DLG2: variants seen among roughly 807,000 people sequenced by gnomAD.
DLG2 encodes discs large MAGUK scaffold protein 2, also known as disks large homolog 2.
In DLG2, 45 loss-of-function variants were observed where a neutral mutation model predicts 132.5. That is an observed-to-expected ratio of 0.34 (90% confidence interval 0.27 to 0.44). DLG2 has a LOEUF of 0.44. Among genes scored for constraint, DLG2 ranks in the 20% least tolerant of loss-of-function variants. The pLI, the probability that DLG2 is intolerant of heterozygous loss-of-function variation, is 1.00. For missense variants in DLG2, 1,045 were observed against 1,196.9 expected (o/e 0.87, Z 1.87); for synonymous variants, 424 against 419.6 (o/e 1.01, Z -0.13).
chr11:85,517,540 T>G (rs1330600413), intron 3 of DLG2, among the ~76,000 whole-genome samples: 1 of 152,030 alleles, frequency 6.6e-6, no homozygotes, highest in Non-Finnish European at 1.5e-5. Flanking sequence ...ACCCCAAAGC[T>G]TTGGGAAACA....
intron 6 of DLG2, among the ~76,000 whole-genome samples, chr11:84,861,903 G>C (rs984770315): frequency 1.3e-5 from 2 of 151,744 alleles, no homozygotes; most frequent in East Asian, 1.9e-4. Context: ...GGATGAAATT[G>C]GAAATCATCA....
At chr11:84,684,096 A>G (rs1385641600) in intron 6 of DLG2, among the ~76,000 whole-genome samples, 1 of 152,210 alleles carries the variant, frequency 6.6e-6, no homozygotes, top group Non-Finnish European at 1.5e-5. Flanking sequence ...TGGTTTTGTT[A>G]CATCTCAGAT....
At chr11:84,355,510 C>G (rs1216072605) in intron 7 of DLG2, among the ~76,000 whole-genome samples, 2 of 152,088 alleles carry the variant, frequency 1.3e-5, no homozygotes, top group African/African-American at 4.8e-5. Flanking sequence ...AGACCTTCAC[C>G]TGACGCCAAA....
chr11:84,644,990 G>C (rs1283374357), intron 6 of DLG2, among the ~76,000 whole-genome samples: 1 of 152,110 alleles, frequency 6.6e-6, no homozygotes, highest in Non-Finnish European at 1.5e-5. Context: ...GCACATTCTC[G>C]ATTATCTGTA....
chr11:83,580,885 TCTCCC>T (rs1446973552), intron 19 of DLG2, among the ~76,000 whole-genome samples: 1 of 102,446 alleles, frequency 9.8e-6, no homozygotes, highest in African/African-American at 3.8e-5. Flanking sequence ...TCTCCCCTCC[TCTCCC>T]CTCCCTTCCC....
At chr11:84,435,143 G>A (rs2098996824) in intron 7 of DLG2, among the ~76,000 whole-genome samples, 1 of 151,958 alleles carries the variant, frequency 6.6e-6, no homozygotes, top group Admixed American at 6.6e-5. Flanking sequence ...CACTTTACAT[G>A]CCCCACTGTT....
intron 19 of DLG2, among the ~76,000 whole-genome samples, chr11:83,587,782 G>A (rs1206375353): frequency 1.4e-4 from 21 of 152,110 alleles, no homozygotes; most frequent in Middle Eastern, 3.4e-3. Flanking sequence ...CAGTGGGTGC[G>A]CGCACCGTGC....
At chr11:84,362,919 T>G (rs1016742901) in intron 7 of DLG2, among the ~76,000 whole-genome samples, 1 of 152,174 alleles carries the variant, frequency 6.6e-6, no homozygotes, top group Non-Finnish European at 1.5e-5. Context: ...TTGTTGGACA[T>G]TTGGGTTGGT....
chr11:84,067,334 C>CAAACA (rs937907814), intron 10 of DLG2, among the ~76,000 whole-genome samples: 4 of 151,982 alleles, frequency 2.6e-5, no homozygotes, highest in Non-Finnish European at 4.4e-5. Flanking sequence ...ACACCATCTC[C>CAAACA]AAACAAAACA....
intron 21 of DLG2, among the ~76,000 whole-genome samples, chr11:83,513,968 C>G (rs1466985732): frequency 6.6e-6 from 1 of 152,102 alleles, no homozygotes; most frequent in East Asian, 1.9e-4. Flanking sequence ...AGCGTGATAC[C>G]TCCAGCTTTG....
chr11:83,836,037 C>T (rs755554815), intron 16 of DLG2, among the ~76,000 whole-genome samples: 19 of 152,120 alleles, frequency 1.2e-4, no homozygotes, highest in Admixed American at 2.6e-4. Flanking sequence ...AATTGGAGAC[C>T]GAGGAGAGCC....
At chr11:85,133,380 G>A (rs772789478) in intron 5 of DLG2, among the ~76,000 whole-genome samples, 4 of 152,146 alleles carry the variant, frequency 2.6e-5, no homozygotes, top group Admixed American at 1.3e-4. Flanking sequence ...ATTGCCGGGA[G>A]TCTAAATGAC....
At chr11:84,696,700 GGAA>G (rs993940964) in intron 6 of DLG2, among the ~76,000 whole-genome samples, 12 of 151,324 alleles carry the variant, frequency 7.9e-5, no homozygotes, top group Non-Finnish European at 1.3e-4. Context: ...GACATACGGA[GGAA>G]GAAGTGAGAA....
At chr11:83,935,915 A>G (rs927516982) in intron 14 of DLG2, among the ~76,000 whole-genome samples, 1 of 152,204 alleles carries the variant, frequency 6.6e-6, no homozygotes. Flanking sequence ...AAGTGGGAAT[A>G]GTAATATCAG....
rs1230020070 is a variant in DLG2 at position 85,140,644 on chromosome 11, CTGTTG to C, written c.282+13907_282+13911del. 2.6e-5 allele frequency among the ~76,000 whole-genome samples: 4 copies of C among 151,478 alleles called. No homozygotes were observed. In the East Asian group the frequency reaches 7.7e-4, roughly 29 times the overall value. On this transcript the variant is annotated intron_variant, in intron 5 of 27. Transcript: ENST00000376104. ...ATAATTATTGTTGACTATAGTCACC[CTGTTG>C]TGTTATCAAATACTAGATCTTATTC...
At chr11:84,099,224 T>C (rs2092168560) in intron 9 of DLG2, among the ~76,000 whole-genome samples, 177 bp from the exon 10 acceptor site, 1 of 152,102 alleles carries the variant, frequency 6.6e-6, no homozygotes, top group Non-Finnish European at 1.5e-5. Context: ...AACACTGAGG[T>C]TTATTCCTGC....
chr11:84,745,036 AC>A (rs911818125), intron 6 of DLG2, among the ~76,000 whole-genome samples: 1 of 151,936 alleles, frequency 6.6e-6, no homozygotes, highest in Non-Finnish European at 1.5e-5. Context: ...GAAAAAAAAA[AC>A]CCTGAAAATA....
At chr11:84,591,314 G>GTT (rs770850415) in intron 6 of DLG2, among the ~76,000 whole-genome samples, 2 of 129,346 alleles carry the variant, frequency 1.5e-5, no homozygotes, top group African/African-American at 2.8e-5. Context: ...ACCATGCCTT[G>GTT]TTTTTTTTTT....
At chr11:84,904,766 C>A (rs2091310041) in intron 6 of DLG2, among the ~76,000 whole-genome samples, 1 of 152,156 alleles carries the variant, frequency 6.6e-6, no homozygotes. Flanking sequence ...AAGTTCTTCC[C>A]CATTTCCCTG....
Sources: gnomAD v4.1 joint callset for allele counts (sites outside exome capture counted in the v4.1 genomes callset) on GRCh38, gnomAD v4.1.1 for gene constraint, MANE v1.5 for transcripts, NCBI Gene and HGNC (gene_info 2026-07-23, HGNC 2026-07-21) for gene names.